Variants in ANK1 observed in about 807,000 individuals in gnomAD.
The protein encoded by ANK1 is ankyrin-1.
A neutral mutation model predicts 210.4 loss-of-function variants in ANK1; 51 were observed. The observed-to-expected ratio is 0.24, with a 90% CI of 0.19 to 0.31. The LOEUF is 0.31. ANK1 is among the 10% of genes least tolerant of loss of function. The pLI is 1.00. For missense variants in ANK1, 2,051 were observed against 2,504.4 expected, an observed-to-expected ratio of 0.82 and a Z score of 3.86; for synonymous variants, 967 against 1,025.9, an observed-to-expected ratio of 0.94 and a Z score of 1.10.
At chr8:41,865,645 T>C (rs1814271870) in intron 1 of ANK1, among the ~76,000 whole-genome samples, 1 of 151,996 alleles carries the variant, frequency 6.6e-6, no homozygotes, top group Admixed American at 6.5e-5. Flanking sequence ...TTCCACACAA[T>C]GCACATGCCA....
Position 41,694,676 on chromosome 8 carries a change from G to A in ANK1, c.3243C>T (p.Gly1081=). The A allele has an allele frequency of 1.2e-6, 2 of 1,614,146 alleles. No homozygotes were observed. The highest frequency in any genetic ancestry group is 1.7e-6 in the Non-Finnish European group (2 of 1,180,014). Residue 1081 remains glycine, a synonymous_variant, in exon 28 of 43, where the codon GGC becomes GGT. Transcript: ENST00000289734. The surrounding 1 kb of genome is among the most constrained non-coding windows in gnomAD (Gnocchi z 5.7). Reference sequence around the variant, plus strand: ...GGGGCACCAGCTTGCTCTTCAGGGAGCCCCCTTCGGGACCGATGGTGTCGT... The same window carrying A: ...GGGGCACCAGCTTGCTCTTCAGGGAACCCCCTTCGGGACCGATGGTGTCGT... ...QDYDTIGPEG[G]SLKSKLVPLV...
chr8:41,809,865 C>A (rs1326953714), intron 1 of ANK1, among the ~76,000 whole-genome samples: 1 of 152,224 alleles, frequency 6.6e-6, no homozygotes, highest in Non-Finnish European at 1.5e-5. Context: ...GGAATCCATT[C>A]TTCTGACTAA....
Position 41,716,935 on chromosome 8 carries a change from C to G in ANK1, c.1404+18G>C. ...TGCTCACATCTGAAACCCTTCCCTT[C>G]CTGCCTTCACTACTCACCTTGGCCT... On this transcript the variant is annotated intron_variant, in intron 13 of 42. Transcript: ENST00000289734. The G allele has an allele frequency of 1.2e-6, 2 of 1,612,560 alleles. No individual in the cohort carries two copies. Among genetic ancestry groups the G allele is most frequent in the East Asian group, 4.5e-5 (2 of 44,882 alleles).
At chr8:41,688,287 C>T (rs1422783408) in intron 34 of ANK1, 57 bp from the exon 35 acceptor site, 1 of 1,580,788 alleles carries the variant, frequency 6.3e-7, no homozygotes, top group Non-Finnish European at 8.7e-7. Context: ...GTTGACAGGC[C>T]TGAGGACACG....
intron 1 of ANK1, among the ~76,000 whole-genome samples, chr8:41,789,755 G>T (rs1161477824): frequency 1.3e-5 from 2 of 152,216 alleles, no homozygotes; most frequent in East Asian, 1.9e-4. Flanking sequence ...TCAATTAACT[G>T]TTCAACCCTG....
rs771237247 is a variant in ANK1 at position 41,693,987 on chromosome 8, C to T, written c.3443G>A (p.Arg1148Gln). The T allele has an allele frequency of 5.7e-5, 92 of 1,613,978 alleles. No homozygotes were observed. Among genetic ancestry groups the T allele is most frequent in the Middle Eastern group, 1.6e-4 (1 of 6,080 alleles). The change falls in exon 29 of 43, where the codon CGG (arginine) becomes CAG (glutamine). Residue 1148 changes from arginine to glutamine, a missense_variant. Arg to Gln is a conservative substitution (Grantham distance 43). This residue lies in a region of ANK1 where 1,413 missense variants were observed against 1,707.4 expected (regional missense o/e 0.83). Transcript: ENST00000289734. ...GGTCCAGGAAGGAGGTAGTGGGATC[C>T]GAAGCCCAATGGGGCGGTGGAACTT... ...RRKFHRPIGL[R>Q]IPLPPSWTDN...
chr8:41,658,997 T>C (rs1393374983), intron 42 of ANK1, among the ~76,000 whole-genome samples: 1 of 152,248 alleles, frequency 6.6e-6, no homozygotes, highest in Non-Finnish European at 1.5e-5. Flanking sequence ...AATACAAGGT[T>C]AGGCTCCCAT....
intron 1 of ANK1, among the ~76,000 whole-genome samples, chr8:41,791,807 C>T (rs1847789344): frequency 6.6e-6 from 1 of 152,182 alleles, no homozygotes; most frequent in African/African-American, 2.4e-5. Flanking sequence ...CCAATAACAC[C>T]CTGGGGGAGG....
intron 1 of ANK1, among the ~76,000 whole-genome samples, chr8:41,893,464 C>G (rs755258794): frequency 6.6e-6 from 1 of 152,170 alleles, no homozygotes; most frequent in African/African-American, 2.4e-5. Flanking sequence ...TCAGTCAGTG[C>G]GTCACAACAC....
upstream of ANK1, among the ~76,000 whole-genome samples, chr8:41,800,073 G>A (rs1342861549): frequency 1.3e-5 from 2 of 152,114 alleles, no homozygotes; most frequent in East Asian, 1.9e-4. Flanking sequence ...AAAGGGGGCC[G>A]CAAAAGCTGT....
rs149083300 is a variant in ANK1 at position 41,658,845 on chromosome 8, A to G, written c.*36+2585T>C. On this transcript the variant is annotated intron_variant, in intron 42 of 42. Coordinates refer to ENST00000289734, the MANE Select transcript of ANK1 (RefSeq NM_000037.4). ...GAGATGGAGGTTGCAGTGAGCCGAG[A>G]TAGTGCCACTGCACTCCAGCCTGGG... Among the ~76,000 whole-genome samples, 565 of 152,308 alleles carry G rather than the reference A, an allele frequency of 3.7e-3. 4 individuals are homozygous for G. The highest frequency in any genetic ancestry group is 0.013 in the African/African-American group (537 of 41,562).
chr8:41,773,840 G>A (rs898377940), intron 1 of ANK1, among the ~76,000 whole-genome samples: 1 of 152,132 alleles, frequency 6.6e-6, no homozygotes, highest in East Asian at 1.9e-4. Flanking sequence ...CCCAGTCCCG[G>A]TGCTGGAGAA....
intron 22 of ANK1, 68 bp from the exon 23 acceptor site, chr8:41,699,616 C>T: frequency 6.8e-7 from 1 of 1,472,042 alleles, no homozygotes; most frequent in Non-Finnish European, 9.5e-7. Context: ...TTTAAAAAAG[C>T]TCTGTTCCCG....
At chr8:41,680,078 G>A (rs1245701340) in intron 37 of ANK1, among the ~76,000 whole-genome samples, 3 of 152,102 alleles carry the variant, frequency 2.0e-5, no homozygotes, top group African/African-American at 4.8e-5. Flanking sequence ...GGCACACATC[G>A]CACCTGACAC....
At chr8:41,656,264 C>A (rs972393865) in intron 42 of ANK1, among the ~76,000 whole-genome samples, 34 of 152,256 alleles carry the variant, frequency 2.2e-4, no homozygotes, top group African/African-American at 8.2e-4. Flanking sequence ...CATGCGCCAG[C>A]CTTGGGAACC....
chr8:41,655,891 T>C (rs1002075092), intron 42 of ANK1, 138 bp from the exon 43 acceptor site: 20 of 995,278 alleles, frequency 2.0e-5, no homozygotes, highest in African/African-American at 4.8e-5. Context: ...GGCAGGGCGA[T>C]GTGCTGAGGG....
intron 9 of ANK1, 134 bp downstream of exon 9, chr8:41,722,991 G>A (rs1829658849): frequency 1.2e-6 from 1 of 839,330 alleles, no homozygotes; most frequent in East Asian, 2.6e-5. Context: ...GATAGGCCTT[G>A]TAATAAATGT....
At chr8:41,763,889 CTTTTTTTTTTTT>C (rs869100297) in intron 1 of ANK1, among the ~76,000 whole-genome samples, 1 of 57,810 alleles carries the variant, frequency 1.7e-5, no homozygotes, top group Non-Finnish European at 3.0e-5. Context: ...TTCTTTTTTT[CTTTTTTTTTTTT>C]TTTTTTTTTT....
At chr8:41,771,972 T>A (rs1445480385) in intron 1 of ANK1, among the ~76,000 whole-genome samples, 1 of 152,152 alleles carries the variant, frequency 6.6e-6, no homozygotes, top group African/African-American at 2.4e-5. Context: ...CTCAGGCGAC[T>A]CTGCCTCCCC....
Sources: gnomAD v4.1 joint callset for allele counts (sites outside exome capture counted in the v4.1 genomes callset) on GRCh38, gnomAD v4.1.1 for gene constraint, gnomAD v4.1.1 regional missense constraint, Gnocchi (gnomAD v3.1) non-coding constraint, MANE v1.5 for transcripts, NCBI Gene and HGNC (gene_info 2026-07-23, HGNC 2026-07-21) for gene names.